The following UGT1A10 variants were observed in gnomAD, a reference collection of about 807,000 sequenced individuals.
UGT1A10 encodes UDP glucuronosyltransferase family 1 member A10.
UGT1A10 carries 49 observed loss-of-function variants against 45.8 expected under a neutral mutation model. The observed-to-expected ratio is 1.07, with a 90% confidence interval of 0.85 to 1.36. The LOEUF (loss-of-function observed/expected upper bound fraction) is 1.36, where lower values mean the gene tolerates loss of function less well. Among genes scored for constraint, UGT1A10 ranks in the 40% most tolerant of loss-of-function variants. The pLI, the probability that UGT1A10 is intolerant of heterozygous loss-of-function variation, is 0.00. For synonymous variants in UGT1A10, 284 were observed against 249.7 expected, an observed-to-expected ratio of 1.14 and a Z score of -1.29; for missense variants, 745 against 668.6, an observed-to-expected ratio of 1.11 and a Z score of -1.26.
At chr2:233,743,090 T>C in intron 1 of UGT1A10, 1 of 347,048 alleles carries the variant, frequency 2.9e-6, no homozygotes, top group South Asian at 2.3e-5. Context: ...TGTTTATAAA[T>C]TCTTGGGTAC....
intron 1 of UGT1A10, among the ~76,000 whole-genome samples, chr2:233,669,402 A>G (rs759924609): frequency 6.6e-6 from 1 of 152,240 alleles, no homozygotes; most frequent in Non-Finnish European, 1.5e-5. Flanking sequence ...TAGATCAACT[A>G]AGGAAAAATA....
At chr2:233,729,387 T>G (rs1242626622) in intron 1 of UGT1A10, 1 of 1,613,946 alleles carries the variant, frequency 6.2e-7, no homozygotes, top group Non-Finnish European at 8.5e-7. Context: ...GGACCCAGGA[T>G]GAATTTGATC....
At chr2:233,665,850 G>T (rs2074066634) in intron 1 of UGT1A10, among the ~76,000 whole-genome samples, 1 of 152,182 alleles carries the variant, frequency 6.6e-6, no homozygotes, top group Non-Finnish European at 1.5e-5. Flanking sequence ...ACCTTTTTAA[G>T]AATTTGCCAG....
At chr2:233,667,255 C>T (rs1398864007) in intron 1 of UGT1A10, among the ~76,000 whole-genome samples, 2 of 152,154 alleles carry the variant, frequency 1.3e-5, no homozygotes, top group Non-Finnish European at 2.9e-5. Flanking sequence ...AACTAGTTTA[C>T]AGTCCCACAA....
chr2:233,741,163 A>G (rs1015106485), intron 1 of UGT1A10, among the ~76,000 whole-genome samples: 3 of 151,960 alleles, frequency 2.0e-5, no homozygotes, highest in Non-Finnish European at 2.9e-5. Flanking sequence ...AATCCAGGAT[A>G]TATCAAAACT....
chr2:233,756,771 G>C (rs1424521769), intron 1 of UGT1A10, among the ~76,000 whole-genome samples: 1 of 152,000 alleles, frequency 6.6e-6, no homozygotes, highest in Non-Finnish European at 1.5e-5. Context: ...TGGATTCTTT[G>C]CTTTGATAAA....
At chr2:233,767,390 G>C (rs946979684) in intron 2 of UGT1A10, among the ~76,000 whole-genome samples, 5 of 152,078 alleles carry the variant, frequency 3.3e-5, no homozygotes, top group Admixed American at 2.6e-4. Context: ...ACACTCAGAA[G>C]TATCATTTTC....
intron 1 of UGT1A10, among the ~76,000 whole-genome samples, chr2:233,757,545 T>C (rs9711502): frequency 0.043 from 2,722 of 63,592 alleles, 156 homozygotes; most frequent in African/African-American, 0.1. Flanking sequence ...AATATATATA[T>C]ATATATATAT....
chr2:233,678,832 C>A (rs1281802583), intron 1 of UGT1A10, among the ~76,000 whole-genome samples: 1 of 152,290 alleles, frequency 6.6e-6, no homozygotes, highest in East Asian at 1.9e-4. Context: ...TTTTGAAATA[C>A]CTTATCCCCA....
intron 1 of UGT1A10, among the ~76,000 whole-genome samples, chr2:233,720,633 T>C (rs2076877142): frequency 6.6e-6 from 1 of 152,112 alleles, no homozygotes; most frequent in South Asian, 2.1e-4. Context: ...ATTGAAATAG[T>C]ACTCTGGGAT....
At chr2:233,695,911 C>T (rs1009465267) in intron 1 of UGT1A10, among the ~76,000 whole-genome samples, 8 of 151,952 alleles carry the variant, frequency 5.3e-5, no homozygotes, top group African/African-American at 1.9e-4. Flanking sequence ...GGTTTTTTTT[C>T]TCCACACACC....
At chr2:233,643,937 C>T (rs2073529889) in intron 1 of UGT1A10, among the ~76,000 whole-genome samples, 1 of 152,140 alleles carries the variant, frequency 6.6e-6, no homozygotes, top group African/African-American at 2.4e-5. Context: ...AGACAAAGTC[C>T]TCCCCACTTT....
intron 1 of UGT1A10, among the ~76,000 whole-genome samples, chr2:233,669,188 T>A (rs1221965389): frequency 6.6e-6 from 1 of 152,354 alleles, no homozygotes; most frequent in Non-Finnish European, 1.5e-5. Context: ...TCCAATGATC[T>A]TTTTGTGAAA....
At chr2:233,755,280 C>A in intron 1 of UGT1A10, 2 of 709,720 alleles carry the variant, frequency 2.8e-6, no homozygotes, top group Non-Finnish European at 4.3e-6. Flanking sequence ...GCTGGACTGC[C>A]AAAGAGCCTG....
intron 1 of UGT1A10, among the ~76,000 whole-genome samples, chr2:233,670,673 C>G (rs1051227116): frequency 1.3e-5 from 2 of 152,134 alleles, no homozygotes; most frequent in Non-Finnish European, 2.9e-5. Flanking sequence ...CTCACAGATT[C>G]ATATCTTGAA....
Position 233,672,739 on chromosome 2 carries a change from A to T in UGT1A10, c.855+35362A>T, listed in dbSNP as rs138512716. The T allele has an allele frequency of 3.7e-6, 6 of 1,613,956 alleles. No individual in the cohort carries two copies. In the African/African-American group the frequency reaches 8.0e-5, roughly 22 times the overall value. ...CTATCCCAAACCCGTGATGCCCAAC[A>T]TGATCTTCATTGGTGGTATCAACTG... On this transcript the variant is annotated intron_variant, in intron 1 of 4. Coordinates refer to ENST00000344644, the MANE Select transcript of UGT1A10 (RefSeq NM_019075.4).
At position 233,704,405 on chromosome 2, in the gene UGT1A10, A is replaced by C. The variant is rs761303272; in HGVS notation, c.856-62629A>C. 5.7e-4 allele frequency among the ~76,000 whole-genome samples: 87 copies of C among 152,010 alleles called. 2 individuals carry two copies. The highest frequency in any genetic ancestry group is 1.3e-4 in the Admixed American group (2 of 15,270). On this transcript the variant is annotated intron_variant, in intron 1 of 4. Coordinates refer to ENST00000344644, the MANE Select transcript of UGT1A10 (RefSeq NM_019075.4). ...ATTTTAACTTACCAGTATCTACTTC[A>C]GATTTATACCAACTTAATTCCAGTT... is the stretch of plus-strand genomic sequence containing the variant.
At chr2:233,673,101 G>T (rs986833657) in intron 1 of UGT1A10, among the ~76,000 whole-genome samples, 1 of 152,048 alleles carries the variant, frequency 6.6e-6, no homozygotes, top group African/African-American at 2.4e-5. Context: ...AATTCTATAT[G>T]CCCGCCCCAG....
chr2:233,754,088 A>G (rs1438865323), intron 1 of UGT1A10, among the ~76,000 whole-genome samples: 2 of 152,224 alleles, frequency 1.3e-5, no homozygotes, highest in Non-Finnish European at 2.9e-5. Context: ...TTTTATCTAA[A>G]TAATGGTCAA....
Sources: allele counts gnomAD v4.1 joint callset (sites outside exome capture counted in the v4.1 genomes callset), GRCh38; gene constraint gnomAD v4.1.1; transcripts MANE v1.5; gene names NCBI Gene and HGNC (gene_info 2026-07-23, HGNC 2026-07-21).